Variants in CA10 observed in about 807,000 individuals in gnomAD.
CA10 encodes the protein carbonic anhydrase-related protein 10.
In CA10, 14 loss-of-function variants were observed where a neutral mutation model predicts 44.2. The ratio of observed to expected loss-of-function variants is 0.32; its 90% CI spans 0.21 to 0.50. The LOEUF (loss-of-function observed/expected upper bound fraction) is 0.50. CA10 is among the 20% of genes least tolerant of loss of function. The probability of loss-of-function intolerance (pLI) is 0.99; values close to 1 mark genes in which losing one functional copy is unlikely to be tolerated. For synonymous variants in CA10, 159 were observed against 141.6 expected, an observed-to-expected ratio of 1.12 and a Z score of -0.87; for missense variants, 350 against 409.7, an observed-to-expected ratio of 0.85 and a Z score of 1.26.
intron 1 of CA10, among the ~76,000 whole-genome samples, chr17:52,090,902 T>C (rs554449247): frequency 1.2e-4 from 19 of 152,170 alleles, no homozygotes; most frequent in African/African-American, 4.6e-4. Context: ...CCCAGGGAAG[T>C]TACCATGAAC....
chr17:52,121,661 A>AAC (rs558555197), intron 1 of CA10, among the ~76,000 whole-genome samples: 15 of 88,880 alleles, frequency 1.7e-4, no homozygotes, highest in African/African-American at 4.7e-4. Flanking sequence ...TCTATCTCTA[A>AAC]ACACACACAC....
At chr17:51,908,647 T>C (rs1404980214) in intron 3 of CA10, among the ~76,000 whole-genome samples, 1 of 152,134 alleles carries the variant, frequency 6.6e-6, no homozygotes, top group African/African-American at 2.4e-5. Flanking sequence ...AGGGAGCCAA[T>C]AGGAATAGCT....
chr17:51,989,248 T>G (rs1333688804), intron 2 of CA10, among the ~76,000 whole-genome samples: 1 of 151,836 alleles, frequency 6.6e-6, no homozygotes, highest in East Asian at 1.9e-4. Flanking sequence ...GTTCTACAGA[T>G]TATTTCATCA....
chr17:51,851,609 A>G (rs1225484383), intron 3 of CA10, among the ~76,000 whole-genome samples: 1 of 152,164 alleles, frequency 6.6e-6, no homozygotes, highest in Non-Finnish European at 1.5e-5. Context: ...GTATTGAAGC[A>G]ACTTATTTTA....
intron 3 of CA10, among the ~76,000 whole-genome samples, chr17:51,819,823 A>G (rs1907694723): frequency 6.6e-6 from 1 of 151,960 alleles, no homozygotes; most frequent in African/African-American, 2.4e-5. Context: ...CAGCCTCCAG[A>G]GCTCTACTCA....
At chr17:51,831,734 A>AGCAGCAGCAGCAGCAGC (rs1555604086) in intron 3 of CA10, among the ~76,000 whole-genome samples, 1 of 145,896 alleles carries the variant, frequency 6.9e-6, no homozygotes, top group African/African-American at 2.5e-5. Context: ...CAGCAGCAGA[A>AGCAGCAGCAGCAGCAGC]AAAGACCTTC....
At chr17:52,075,068 G>A (rs1987783039) in intron 1 of CA10, among the ~76,000 whole-genome samples, 1 of 152,056 alleles carries the variant, frequency 6.6e-6, no homozygotes, top group South Asian at 2.1e-4. Context: ...AGCCTAAAAT[G>A]TTTCCTCCAT....
At chr17:51,747,553 G>C (rs1009525701) in intron 4 of CA10, 80 bp downstream of exon 4, 8 of 1,155,804 alleles carry the variant, frequency 6.9e-6, no homozygotes, top group Admixed American at 2.3e-5. Context: ...CCTTTGTTAT[G>C]TTATCCCATC....
chr17:51,863,464 G>A (rs767609777), intron 3 of CA10, among the ~76,000 whole-genome samples: 1 of 152,194 alleles, frequency 6.6e-6, no homozygotes, highest in Non-Finnish European at 1.5e-5. Context: ...ATTGCTGGGT[G>A]AATGTGATTT....
intron 3 of CA10, among the ~76,000 whole-genome samples, chr17:51,776,395 A>T (rs1905821877): frequency 6.6e-6 from 1 of 152,196 alleles, no homozygotes; most frequent in African/African-American, 2.4e-5. Flanking sequence ...AATATAAAAA[A>T]TAAAATTTTA....
At chr17:51,937,484 C>T (rs888022195) in intron 2 of CA10, among the ~76,000 whole-genome samples, 1 of 152,094 alleles carries the variant, frequency 6.6e-6, no homozygotes, top group Non-Finnish European at 1.5e-5. Context: ...ACTCATAGCA[C>T]ATGGAGGGTC....
intron 2 of CA10, among the ~76,000 whole-genome samples, chr17:52,022,075 G>A (rs540467593): frequency 1.3e-5 from 2 of 152,020 alleles, no homozygotes; most frequent in South Asian, 2.1e-4. Flanking sequence ...TGAAAATCAA[G>A]GAGGAGAGAC....
At chr17:52,065,026 T>C (rs1277205191) in intron 2 of CA10, among the ~76,000 whole-genome samples, 3 of 152,230 alleles carry the variant, frequency 2.0e-5, no homozygotes, top group African/African-American at 7.2e-5. Flanking sequence ...CTCTATGAGC[T>C]GGCCCCTGAC....
Position 51,669,158 on chromosome 17 carries a change from C to T in CA10, c.466-15422G>A, listed in dbSNP as rs146530232. Among the ~76,000 whole-genome samples the T allele has an allele frequency of 9.0e-3, 1,375 of 152,332 alleles. 30 individuals are homozygous for T. The highest frequency in any genetic ancestry group is 0.031 in the African/African-American group (1,302 of 41,568). On this transcript the variant is annotated intron_variant, in intron 4 of 8. Coordinates refer to ENST00000451037, the MANE Select transcript of CA10 (RefSeq NM_020178.5). ...GCGCGGGACCAGATGGCAGCTCTGC[C>T]GGGCGGCCCAGTGTGGGATCCACTA...
At chr17:51,634,852 T>G (rs1380880645) in intron 7 of CA10, among the ~76,000 whole-genome samples, 1 of 152,208 alleles carries the variant, frequency 6.6e-6, no homozygotes, top group African/African-American at 2.4e-5. Context: ...CATAATGACA[T>G]CTTCCATTTT....
chr17:52,118,979 C>G (rs1988955500), intron 1 of CA10, among the ~76,000 whole-genome samples: 2 of 152,132 alleles, frequency 1.3e-5, no homozygotes, highest in South Asian at 4.1e-4. Flanking sequence ...CTGAAATGTT[C>G]ATGAATATCA....
At chr17:51,873,595 GCTTT>G (rs1218416152) in intron 3 of CA10, among the ~76,000 whole-genome samples, 1 of 152,112 alleles carries the variant, frequency 6.6e-6, no homozygotes, top group East Asian at 1.9e-4. Flanking sequence ...TTGCTTTTTG[GCTTT>G]CTTTATTGGC....
At chr17:52,055,087 G>A (rs2143065547) in intron 2 of CA10, among the ~76,000 whole-genome samples, 1 of 152,012 alleles carries the variant, frequency 6.6e-6, no homozygotes, top group East Asian at 1.9e-4. Flanking sequence ...TGAACTTCAG[G>A]AATAAAGATG....
intron 4 of CA10, among the ~76,000 whole-genome samples, chr17:51,739,254 G>A (rs747224911): frequency 6.6e-6 from 1 of 151,920 alleles, no homozygotes; most frequent in Non-Finnish European, 1.5e-5. Context: ...GCTAGTTCAC[G>A]GAAATGTTGT....
Sources: allele counts gnomAD v4.1 joint callset (sites outside exome capture counted in the v4.1 genomes callset), GRCh38; gene constraint gnomAD v4.1.1; transcripts MANE v1.5; gene names NCBI Gene and HGNC (gene_info 2026-07-23, HGNC 2026-07-21).